Variants in CIB1 observed in about 807,000 individuals in gnomAD.
The protein encoded by CIB1 is calcium and integrin binding 1, also known as calcium and integrin-binding protein 1.
In CIB1, 19 loss-of-function variants were observed where a neutral mutation model predicts 25.0. That is an observed-to-expected ratio of 0.76 (90% CI 0.53 to 1.12). CIB1 has a LOEUF of 1.12. Ranked by LOEUF, CIB1 falls within the 50% of genes most tolerant of loss-of-function variation. The pLI, the probability that CIB1 is intolerant of heterozygous loss-of-function variation, is 0.00. For missense variants in CIB1, 236 were observed against 242.6 expected (o/e 0.97, Z 0.18); for synonymous variants, 104 against 98.5 (o/e 1.06, Z -0.33).
chr15:90,249,071 C>T, the CIB1 span, among the ~76,000 whole-genome samples: 17 of 152,078 alleles, frequency 1.1e-4, no homozygotes, highest in African/African-American at 3.9e-4. Context: ...TTGAGCCCGG[C>T]GTGGTGGCAC....
intron 3 of CIB1, 42 bp downstream of exon 3, chr15:90,232,177 G>A: frequency 3.4e-6 from 5 of 1,484,886 alleles, no homozygotes; most frequent in Non-Finnish European, 4.7e-6. Context: ...CTAGCAGGGA[G>A]GGAGTGGTGG....
chr15:90,235,158 T>C (rs7342665), upstream of CIB1, among the ~76,000 whole-genome samples: 24,266 of 152,210 alleles, frequency 0.16, 2,098 homozygotes, highest in African/African-American at 0.21. Flanking sequence ...AAGCCTTTCC[T>C]GACTCCCTAG....
rs760594992 is a variant in CIB1 at position 90,231,397 on chromosome 15, G to A, written c.306C>T (p.Ala102=). The change falls in exon 4 of 7, where the codon GCC becomes GCT. Residue 102 remains alanine, a synonymous_variant. Transcript: ENST00000328649. Reference sequence around the variant, plus strand: ...CATAATGGGACTTGATGTCTGGCGTGGCTGTGTCACTGAACACACTGAGGA... The same window carrying A: ...CATAATGGGACTTGATGTCTGGCGTAGCTGTGTCACTGAACACACTGAGGA... ...LDLLSVFSDT[A]TPDIKSHYAF... is the part of the protein sequence containing the mutation. The A allele has an allele frequency of 1.9e-6, 3 of 1,614,192 alleles. No homozygotes were observed. The African/African-American group carries it at 4.0e-5, about 22-fold the overall frequency.
the CIB1 span, chr15:90,263,210 G>T: frequency 7.1e-7 from 1 of 1,404,070 alleles, no homozygotes. Context: ...AGGACATGGT[G>T]TTGGTCTCAA....
the CIB1 span, chr15:90,265,003 C>A: frequency 2.0e-6 from 3 of 1,507,984 alleles, no homozygotes; most frequent in African/African-American, 2.8e-5. Flanking sequence ...TCCTGGATAA[C>A]CTCCCCAGGT....
At chr15:90,251,847 G>A in the CIB1 span, among the ~76,000 whole-genome samples, 2 of 147,038 alleles carry the variant, frequency 1.4e-5, no homozygotes, top group East Asian at 2.0e-4. Flanking sequence ...AAAAGTCCAA[G>A]AGCCACTACT....
chr15:90,235,086 A>C (rs1382839660), upstream of CIB1, among the ~76,000 whole-genome samples: 2 of 152,102 alleles, frequency 1.3e-5, no homozygotes, highest in African/African-American at 4.8e-5. Flanking sequence ...ACTTCCTCCT[A>C]TTGGCTCTCT....
chr15:90,258,909 G>A, the CIB1 span: 32 of 1,614,030 alleles, frequency 2.0e-5, no homozygotes, highest in African/African-American at 2.7e-5. Context: ...CAGTGCTACC[G>A]ACAGCCACGA....
chr15:90,241,156 T>C, the CIB1 span: 2 of 1,614,172 alleles, frequency 1.2e-6, no homozygotes, highest in Non-Finnish European at 8.5e-7. Context: ...CTACGGGAGC[T>C]ACAGACCCAA....
the CIB1 span, chr15:90,253,120 G>C: frequency 5.0e-6 from 3 of 599,044 alleles, no homozygotes; most frequent in Non-Finnish European, 6.0e-6. Flanking sequence ...GTACAGGGCT[G>C]AGGCAAGAAC....
chr15:90,242,187 A>C, the CIB1 span: 1 of 724,902 alleles, frequency 1.4e-6, no homozygotes, highest in Non-Finnish European at 2.1e-6. Context: ...TCTGGGGCTG[A>C]AGTGATCCTC....
chr15:90,250,723 C>A, the CIB1 span: 2 of 1,614,136 alleles, frequency 1.2e-6, no homozygotes, highest in Non-Finnish European at 1.7e-6. Context: ...GAGTTACCAA[C>A]CCCTCTAACT....
At chr15:90,241,392 C>T in the CIB1 span, 5 of 1,613,976 alleles carry the variant, frequency 3.1e-6, no homozygotes, top group East Asian at 8.9e-5. Flanking sequence ...CGTCAGCCCC[C>T]TGGAGTGGGG....
the CIB1 span, among the ~76,000 whole-genome samples, chr15:90,253,831 T>G: frequency 2.0e-5 from 3 of 152,246 alleles, no homozygotes; most frequent in African/African-American, 7.2e-5. Context: ...TAGAACTGCC[T>G]TGTGACATTT....
chr15:90,231,188 G>A lies in CIB1; in HGVS notation c.372C>T (p.Asn124=), dbSNP rs879032034. 23 of 1,612,358 alleles carry A rather than the reference G, an allele frequency of 1.4e-5. No homozygotes were observed. Among genetic ancestry groups the A allele is most frequent in the Non-Finnish European group, 1.9e-5 (22 of 1,179,792 alleles). ...IFDFDDDGTL[N]REDLSRLVNC... ...TCACCAGCCGGCTCAGGTCTTCTCTGTTCAAGGTTCCGTCATCATCAAAGT... is the reference window on the plus strand; with the variant it reads ...TCACCAGCCGGCTCAGGTCTTCTCTATTCAAGGTTCCGTCATCATCAAAGT... The change falls in exon 5 of 7, where the codon AAC becomes AAT. Residue 124 remains asparagine, a synonymous_variant. Transcript: ENST00000328649.
the CIB1 span, chr15:90,253,261 C>T: frequency 1.2e-6 from 2 of 1,613,732 alleles, no homozygotes; most frequent in East Asian, 2.2e-5. Context: ...CGTCGGGCAG[C>T]CCAAATGTGT....
At chr15:90,230,784 C>G (rs1018462032) in intron 6 of CIB1, 150 bp downstream of exon 6, 1 of 770,210 alleles carries the variant, frequency 1.3e-6, no homozygotes, top group South Asian at 1.5e-5. Flanking sequence ...TGCCCCTGCC[C>G]GGGGCGAGAC....
At chr15:90,234,807 C>T (rs1028179070), upstream of CIB1, among the ~76,000 whole-genome samples, 4 of 152,136 alleles carry the variant, frequency 2.6e-5, no homozygotes, top group Non-Finnish European at 5.9e-5. Context: ...CCCTCTTAAC[C>T]TCTAGGATAA....
At chr15:90,251,700 C>T in the CIB1 span, 5 of 1,341,490 alleles carry the variant, frequency 3.7e-6, no homozygotes, top group Non-Finnish European at 5.3e-6. Flanking sequence ...CCCCTGGGGC[C>T]TGGCGGGCTT....
Sources: gnomAD v4.1 joint callset for allele counts (sites outside exome capture counted in the v4.1 genomes callset) on GRCh38, gnomAD v4.1.1 for gene constraint, MANE v1.5 for transcripts, NCBI Gene and HGNC (gene_info 2026-07-23, HGNC 2026-07-21) for gene names.